Variants in KCNIP4 observed in about 807,000 individuals in gnomAD.
KCNIP4 encodes potassium voltage-gated channel interacting protein 4, also known as Kv channel-interacting protein 4.
A neutral mutation model predicts 34.0 loss-of-function variants in KCNIP4; 12 were observed. That is an observed-to-expected ratio of 0.35 (90% CI 0.23 to 0.57). The LOEUF (loss-of-function observed/expected upper bound fraction) is 0.57, where lower values mean the gene tolerates loss of function less well. Ranked by LOEUF, KCNIP4 falls within the 20% of genes least tolerant of loss-of-function variation. KCNIP4 has a pLI of 0.83. For missense variants in KCNIP4, 238 were observed against 311.7 expected (o/e 0.76, Z 1.78); for synonymous variants, 124 against 102.2 (o/e 1.21, Z -1.29).
chr4:21,525,056 T>A (rs1177986602), intron 1 of KCNIP4, among the ~76,000 whole-genome samples: 1 of 152,160 alleles, frequency 6.6e-6, no homozygotes, highest in Non-Finnish European at 1.5e-5. Flanking sequence ...TTGGGGAATT[T>A]CCATGCTTTA....
intron 3 of KCNIP4, among the ~76,000 whole-genome samples, chr4:20,811,520 C>A: frequency 6.7e-6 from 1 of 149,090 alleles, no homozygotes; most frequent in East Asian, 2.0e-4. Flanking sequence ...TGTGTGCGCG[C>A]GCGCACGCGT....
At chr4:21,074,982 A>T (rs1198010306) in intron 1 of KCNIP4, among the ~76,000 whole-genome samples, 1 of 152,120 alleles carries the variant, frequency 6.6e-6, no homozygotes, top group African/African-American at 2.4e-5. Flanking sequence ...CTCTAGTTTG[A>T]TTGCACTGTG....
At chr4:21,941,337 A>C (rs910388887) in intron 1 of KCNIP4, among the ~76,000 whole-genome samples, 3 of 152,196 alleles carry the variant, frequency 2.0e-5, no homozygotes, top group Non-Finnish European at 4.4e-5. Context: ...AGATACTGCT[A>C]TCAGTCCAAT....
intron 1 of KCNIP4, among the ~76,000 whole-genome samples, chr4:21,526,803 C>T (rs1336509190): frequency 6.6e-6 from 1 of 152,128 alleles, no homozygotes; most frequent in Non-Finnish European, 1.5e-5. Flanking sequence ...TTAAAGAACG[C>T]TGAGAGCACT....
chr4:20,962,943 T>G (rs531714831), intron 1 of KCNIP4, among the ~76,000 whole-genome samples: 1 of 152,172 alleles, frequency 6.6e-6, no homozygotes, highest in Non-Finnish European at 1.5e-5. Flanking sequence ...GGTGAGTCAT[T>G]CAATTTCTCT....
At chr4:21,149,367 C>G (rs1177892073) in intron 1 of KCNIP4, among the ~76,000 whole-genome samples, 1 of 152,062 alleles carries the variant, frequency 6.6e-6, no homozygotes, top group African/African-American at 2.4e-5. Flanking sequence ...AGCTTTAGGA[C>G]CCATCTTGTG....
intron 1 of KCNIP4, among the ~76,000 whole-genome samples, chr4:21,041,121 C>T (rs890639381): frequency 6.6e-6 from 1 of 151,870 alleles, no homozygotes; most frequent in Non-Finnish European, 1.5e-5. Context: ...TGAATATCTG[C>T]AGATATTAAG....
At chr4:21,814,523 C>G (rs1227584658) in intron 1 of KCNIP4, among the ~76,000 whole-genome samples, 1 of 152,136 alleles carries the variant, frequency 6.6e-6, no homozygotes, top group Non-Finnish European at 1.5e-5. Context: ...ATTGTGAGGC[C>G]TCCCCAGCCA....
intron 1 of KCNIP4, among the ~76,000 whole-genome samples, chr4:20,988,762 G>A (rs760430297): frequency 1.3e-5 from 2 of 152,128 alleles, no homozygotes; most frequent in Admixed American, 6.5e-5. Context: ...GGTTATTTTC[G>A]ATTGAAGGCA....
At chr4:21,075,617 G>T (rs1348174135) in intron 1 of KCNIP4, among the ~76,000 whole-genome samples, 2 of 152,032 alleles carry the variant, frequency 1.3e-5, no homozygotes, top group Non-Finnish European at 2.9e-5. Context: ...TGACTTTTAA[G>T]TGGAGCATTT....
chr4:21,646,313 T>C (rs1015303121), intron 1 of KCNIP4, among the ~76,000 whole-genome samples: 2 of 152,184 alleles, frequency 1.3e-5, no homozygotes, highest in African/African-American at 2.4e-5. Flanking sequence ...TCCAATCAAA[T>C]GTCTTTCTTG....
intron 1 of KCNIP4, among the ~76,000 whole-genome samples, chr4:21,569,731 T>C (rs1389717278): frequency 6.6e-6 from 1 of 152,044 alleles, no homozygotes. Context: ...CTTCTGGGGA[T>C]GTTGATGTAA....
intron 1 of KCNIP4, among the ~76,000 whole-genome samples, chr4:21,763,907 G>C (rs1357820408): frequency 6.6e-6 from 1 of 152,070 alleles, no homozygotes; most frequent in Non-Finnish European, 1.5e-5. Context: ...CCAACACACA[G>C]AATTTGGAAG....
At chr4:21,707,777 A>G in intron 1 of KCNIP4, among the ~76,000 whole-genome samples, 1 of 152,044 alleles carries the variant, frequency 6.6e-6, no homozygotes, top group Non-Finnish European at 1.5e-5. Flanking sequence ...AGCATCCAGG[A>G]CTTCAAAAAA....
intron 1 of KCNIP4, among the ~76,000 whole-genome samples, chr4:21,400,056 T>A (rs1723338881): frequency 1.3e-5 from 2 of 152,190 alleles, no homozygotes. Context: ...TTTCCTGCTC[T>A]GATCCCATCT....
At chr4:21,290,656 C>A (rs532452135) in intron 1 of KCNIP4, among the ~76,000 whole-genome samples, 2 of 152,250 alleles carry the variant, frequency 1.3e-5, no homozygotes, top group African/African-American at 4.8e-5. Flanking sequence ...GCAAATGAAA[C>A]AAGGCTCTTG....
intron 1 of KCNIP4, among the ~76,000 whole-genome samples, chr4:21,241,224 A>C (rs1474963947): frequency 1.3e-5 from 2 of 152,334 alleles, no homozygotes; most frequent in East Asian, 3.9e-4. Context: ...AAAATTAGTG[A>C]GCAGATATAT....
chr4:21,208,388 T>A (rs1756998961), intron 1 of KCNIP4, among the ~76,000 whole-genome samples: 1 of 152,164 alleles, frequency 6.6e-6, no homozygotes, highest in Non-Finnish European at 1.5e-5. Context: ...TCTTTGAGAA[T>A]GTATGGTATT....
In KCNIP4 at chr4:20,731,622, T is replaced by G. The variant is rs1222119311; in HGVS notation, c.705+384A>C. ...AGCTTGGCCTGTTGTGATGCCATAC[T>G]TGGCTATCTAGGAATTCTAATGCTG... On this transcript the variant is annotated intron_variant, in intron 8 of 8. Transcript: ENST00000382152. 4.1e-6 allele frequency: 4 copies of G among 985,150 alleles called. No individual in the cohort carries two copies. The South Asian group carries it at 1.4e-4, about 35-fold the overall frequency. The allele number at this position is 985,150 out of a possible 1,614,324, so 61.0% of individuals were successfully genotyped here.
Sources: gnomAD v4.1 joint callset for allele counts (sites outside exome capture counted in the v4.1 genomes callset) on GRCh38, gnomAD v4.1.1 for gene constraint, MANE v1.5 for transcripts, NCBI Gene and HGNC (gene_info 2026-07-23, HGNC 2026-07-21) for gene names.